MEI4: variants seen among roughly 807,000 people sequenced by gnomAD.
MEI4 encodes the protein meiotic double-stranded break formation protein 4.
MEI4 carries 27 observed loss-of-function variants against 31.4 expected under a neutral mutation model. The observed-to-expected ratio is 0.86, with a 90% confidence interval of 0.63 to 1.19. MEI4 has a LOEUF of 1.19. Among genes scored for constraint, MEI4 ranks in the 50% most tolerant of loss-of-function variants. The probability of loss-of-function intolerance (pLI) is 0.00; values close to 1 mark genes in which losing one functional copy is unlikely to be tolerated. For missense variants in MEI4, 329 were observed against 398.9 expected (o/e 0.82, Z 1.49); for synonymous variants, 122 against 145.4 (o/e 0.84, Z 1.16).
intron 3 of MEI4, among the ~76,000 whole-genome samples, chr6:77,798,221 G>A (rs1407267949): frequency 1.3e-5 from 2 of 150,808 alleles, no homozygotes; most frequent in African/African-American, 4.9e-5. Flanking sequence ...ATGCAAAAAA[G>A]GTAGTAAAGA....
intron 3 of MEI4, among the ~76,000 whole-genome samples, chr6:77,791,088 T>G (rs1768914658): frequency 6.6e-6 from 1 of 152,130 alleles, no homozygotes; most frequent in Non-Finnish European, 1.5e-5. Flanking sequence ...TTGGTGGGAC[T>G]GTAAACTAGT....
chr6:77,867,292 A>G (rs1771059791), intron 4 of MEI4, among the ~76,000 whole-genome samples: 1 of 152,218 alleles, frequency 6.6e-6, no homozygotes, highest in Admixed American at 6.5e-5. Context: ...CAGGCAACCT[A>G]CAGAATGGGA....
chr6:77,798,173 T>C (rs896118194), intron 3 of MEI4, among the ~76,000 whole-genome samples: 2 of 151,084 alleles, frequency 1.3e-5, no homozygotes, highest in Non-Finnish European at 3.0e-5. Flanking sequence ...TAAATATAAC[T>C]AAAAAATCAA....
chr6:77,751,247 G>A lies in MEI4; in HGVS notation c.233-9883G>A, dbSNP rs1295717811. ...CAAACAAATTCAAGAGCTATCAGAA[G>A]ACAAGAAATAACTAAGATCAGAGCA... On this transcript the variant is annotated intron_variant, in intron 2 of 4. Coordinates refer to ENST00000684080, the MANE Select transcript of MEI4 (RefSeq NM_001322247.2). 1.3e-5 allele frequency among the ~76,000 whole-genome samples: 2 copies of A among 151,838 alleles called. 1 individual carries two copies. The highest frequency in any genetic ancestry group is 2.9e-5 in the Non-Finnish European group (2 of 67,978).
intron 1 of MEI4, among the ~76,000 whole-genome samples, chr6:77,661,807 A>C (rs925695615): frequency 6.6e-6 from 1 of 151,882 alleles, no homozygotes; most frequent in Non-Finnish European, 1.5e-5. Flanking sequence ...GATAGGGGGA[A>C]GTTTCAGAGG....
intron 2 of MEI4, among the ~76,000 whole-genome samples, chr6:77,744,626 A>G (rs889078777): frequency 6.6e-5 from 10 of 152,286 alleles, no homozygotes; most frequent in South Asian, 2.1e-4. Context: ...GAACGCCACA[A>G]AGATACTCCT....
intron 2 of MEI4, among the ~76,000 whole-genome samples, chr6:77,700,901 A>G (rs1475488747): frequency 6.6e-6 from 1 of 152,202 alleles, no homozygotes; most frequent in Non-Finnish European, 1.5e-5. Context: ...TCACATTTTT[A>G]TCTTACTTAA....
chr6:77,835,398 AC>A (rs1770191900), intron 4 of MEI4, among the ~76,000 whole-genome samples: 72 of 133,932 alleles, frequency 5.4e-4, no homozygotes, highest in Admixed American at 2.8e-3. Context: ...ACACACACAC[AC>A]ACACAAATAA....
At chr6:77,682,713 C>T (rs1238125552) in intron 1 of MEI4, among the ~76,000 whole-genome samples, 1 of 151,654 alleles carries the variant, frequency 6.6e-6, no homozygotes, top group African/African-American at 2.4e-5. Context: ...AGTTGTGTGC[C>T]TACTGTGAGC....
intron 4 of MEI4, among the ~76,000 whole-genome samples, chr6:77,834,132 C>T (rs1280311408): frequency 6.6e-6 from 1 of 152,106 alleles, no homozygotes; most frequent in Non-Finnish European, 1.5e-5. Context: ...GCAGCTGCTT[C>T]ATCTTCCTTC....
intron 4 of MEI4, among the ~76,000 whole-genome samples, chr6:77,912,398 G>T (rs1292484334): frequency 6.6e-6 from 1 of 151,974 alleles, no homozygotes; most frequent in Non-Finnish European, 1.5e-5. Flanking sequence ...TATTGAATCT[G>T]TAGATTAGAG....
chr6:77,663,711 G>A lies in MEI4; in HGVS notation c.-15+10619G>A, dbSNP rs973259293. 6.6e-5 allele frequency among the ~76,000 whole-genome samples: 10 copies of A among 152,202 alleles called. No homozygotes were observed. In the East Asian group the frequency reaches 1.5e-3, roughly 24 times the overall value. On this transcript the variant is annotated intron_variant, in intron 1 of 4. Transcript: ENST00000684080. ...ATGTAATGTGGAGTGGGTAGCCTCC[G>A]TATTGATTAAGAAGGGGACGGGCTT...
chr6:77,915,683 A>G (rs1562037514), intron 4 of MEI4, among the ~76,000 whole-genome samples: 1 of 151,948 alleles, frequency 6.6e-6, no homozygotes, highest in Non-Finnish European at 1.5e-5. Context: ...TCCCTTTATA[A>G]TTATATAATG....
At chr6:77,835,553 A>G (rs965956894) in intron 4 of MEI4, among the ~76,000 whole-genome samples, 3 of 152,118 alleles carry the variant, frequency 2.0e-5, no homozygotes, top group Non-Finnish European at 2.9e-5. Context: ...AAAATGTTTC[A>G]TACTGATTAT....
intron 2 of MEI4, among the ~76,000 whole-genome samples, chr6:77,744,134 G>T (rs1298860731): frequency 6.6e-6 from 1 of 152,216 alleles, no homozygotes; most frequent in Non-Finnish European, 1.5e-5. Flanking sequence ...ACTTTGACGA[G>T]TTGAGAGAAG....
intron 2 of MEI4, among the ~76,000 whole-genome samples, chr6:77,738,708 A>G (rs1054908100): frequency 6.6e-6 from 1 of 152,308 alleles, no homozygotes; most frequent in Middle Eastern, 3.4e-3. Flanking sequence ...CACTTCCACC[A>G]ACACTGTAAA....
At chr6:77,908,414 C>T (rs1332653986) in intron 4 of MEI4, among the ~76,000 whole-genome samples, 6 of 152,012 alleles carry the variant, frequency 3.9e-5, no homozygotes, top group Admixed American at 2.6e-4. Flanking sequence ...GAATCGTTTC[C>T]CCATTTCTTG....
chr6:77,705,123 G>T (rs948367927), intron 2 of MEI4, among the ~76,000 whole-genome samples: 3 of 152,084 alleles, frequency 2.0e-5, no homozygotes, highest in Non-Finnish European at 4.4e-5. Flanking sequence ...ACATAATAGG[G>T]ATCTAACAAT....
upstream of MEI4, among the ~76,000 whole-genome samples, chr6:77,651,610 A>C (rs943516524): frequency 5.3e-5 from 8 of 152,206 alleles, no homozygotes; most frequent in African/African-American, 1.7e-4. Flanking sequence ...ATATGACTGC[A>C]AAGAGACTCA....
Sources: gnomAD v4.1 joint callset for allele counts (sites outside exome capture counted in the v4.1 genomes callset) on GRCh38, gnomAD v4.1.1 for gene constraint, MANE v1.5 for transcripts, NCBI Gene and HGNC (gene_info 2026-07-23, HGNC 2026-07-21) for gene names.